The following SLC39A6 variants were observed in gnomAD, a reference collection of about 807,000 sequenced individuals.
SLC39A6 encodes zinc transporter ZIP6.
In SLC39A6, 51 loss-of-function variants were observed where a neutral mutation model predicts 63.5. That is an observed-to-expected ratio of 0.80 (90% confidence interval 0.64 to 1.01). The LOEUF (loss-of-function observed/expected upper bound fraction) is 1.01, where lower values mean the gene tolerates loss of function less well. Among genes scored for constraint, SLC39A6 ranks in the 50% least tolerant of loss-of-function variants. The probability of loss-of-function intolerance (pLI) is 0.00; values close to 1 mark genes in which losing one functional copy is unlikely to be tolerated. For missense variants in SLC39A6, 805 were observed against 927.8 expected (o/e 0.87, Z 1.72); for synonymous variants, 318 against 324.7 (o/e 0.98, Z 0.22).
At chr18:36,112,357 C>T in intron 8 of SLC39A6, 144 bp downstream of exon 8, 5 of 649,638 alleles carry the variant, frequency 7.7e-6, no homozygotes, top group Middle Eastern at 2.6e-4. Context: ...GAAGATGATC[C>T]CTGATGTCAT....
At chr18:36,117,859 G>A (rs111270626) in intron 5 of SLC39A6, among the ~76,000 whole-genome samples, 198 of 152,050 alleles carry the variant, frequency 1.3e-3, no homozygotes, top group African/African-American at 3.6e-3. Context: ...GTGAAACCCC[G>A]TCTCTACTAA....
At chr18:36,111,805 T>A (rs2089302867) in intron 8 of SLC39A6, among the ~76,000 whole-genome samples, 1 of 152,176 alleles carries the variant, frequency 6.6e-6, no homozygotes, top group Non-Finnish European at 1.5e-5. Flanking sequence ...ACCAAAAAAA[T>A]TTTTTAAGGC....
chr18:36,111,886 G>A (rs778551787), intron 8 of SLC39A6, among the ~76,000 whole-genome samples: 8 of 152,186 alleles, frequency 5.3e-5, no homozygotes, highest in Non-Finnish European at 1.0e-4. Context: ...AAGGAGCTTG[G>A]AATTTGGCCA....
At chr18:36,117,883 T>C (rs1181530645) in intron 5 of SLC39A6, among the ~76,000 whole-genome samples, 3 of 152,074 alleles carry the variant, frequency 2.0e-5, no homozygotes, top group African/African-American at 4.8e-5. Context: ...TACAAAAAAT[T>C]AGCCGGGCGT....
In SLC39A6 at chr18:36,126,484, C is replaced by T. The variant is rs768398045; in HGVS notation, c.524G>A (p.Arg175Lys). 16 of 1,614,278 alleles carry T rather than the reference C, an allele frequency of 9.9e-6. No homozygotes were observed. The Middle Eastern group carries it at 1.5e-3, about 150-fold the overall frequency. ...GAHRPEHASG[R>K]RNVKDSVSAS... ...ACTAACACTGTCCTTGACATTCCTT[C>T]TACCACTGGCATGTTCTGGTCGGTG... The change falls in exon 2 of 10, where the codon AGA (arginine) becomes AAA (lysine). Residue 175 changes from arginine to lysine, a missense_variant. By Grantham distance (26) the Arg-to-Lys change is conservative. This residue lies in a region of SLC39A6 where 639 missense variants were observed against 644.0 expected (regional missense o/e 0.99). Transcript: ENST00000269187.
chr18:36,127,151 C>T (rs1598714761), intron 1 of SLC39A6, 135 bp from the exon 2 acceptor site: 1 of 750,722 alleles, frequency 1.3e-6, no homozygotes, highest in Non-Finnish European at 2.1e-6. Context: ...CAGTGTGACG[C>T]TAGGTACTGT....
rs111915530 is a variant in SLC39A6 at position 36,110,546 on chromosome 18, A to AT, written c.2115+512dup. On this transcript the variant is annotated intron_variant, in intron 9 of 9. Coordinates refer to ENST00000269187, the MANE Select transcript of SLC39A6 (RefSeq NM_012319.4). ...ATTTAAAATCTTTTTTAAAAAAATGATTTTTTTTTTGAGACAGAGTCTTGC... is the reference window on the plus strand; with the variant it reads ...ATTTAAAATCTTTTTTAAAAAAATGATTTTTTTTTTTGAGACAGAGTCTTGC... Among the ~76,000 whole-genome samples, 811 of 147,542 alleles carry AT rather than the reference A, an allele frequency of 5.5e-3. 5 individuals carry two copies. The highest frequency in any genetic ancestry group is 0.018 in the African/African-American group (717 of 40,662).
Position 36,114,462 on chromosome 18 carries a change from T to G in SLC39A6, c.1478A>C (p.Tyr493Ser), listed in dbSNP as rs374616159. 2.0e-5 allele frequency: 33 copies of G among 1,610,962 alleles called. No individual in the cohort carries two copies. Among genetic ancestry groups the G allele is most frequent in the Non-Finnish European group, 2.8e-5 (33 of 1,179,210 alleles). Residue 493 changes from tyrosine (Y) to serine (S), a missense_variant, in exon 7 of 10, where the codon TAT (tyrosine) becomes TCT (serine). Physicochemically the swap from Tyr to Ser is moderately radical, Grantham distance 144. Coordinates refer to ENST00000269187, the MANE Select transcript of SLC39A6 (RefSeq NM_012319.4). Reference protein sequence around the residue: ...KVDTDDRTEGYLRADSQEPSH... With the variant: ...KVDTDDRTEGSLRADSQEPSH... ...GGGCTCTTGTGAGTCTGCTCGTAAA[T>G]AGCCTTCAGTTCCTAGGAATAAACA...
At chr18:36,121,682 T>C (rs1007295831) in intron 5 of SLC39A6, among the ~76,000 whole-genome samples, 3 of 72,952 alleles carry the variant, frequency 4.1e-5, no homozygotes, top group Non-Finnish European at 6.9e-5. Context: ...ACTGGGTGAC[T>C]GGAAATTAAT....
chr18:36,114,410 T>G lies in SLC39A6; in HGVS notation c.1530A>C (p.Ala510=). The G allele has an allele frequency of 6.2e-7, 1 of 1,614,204 alleles. No individual in the cohort carries two copies. The highest frequency in any genetic ancestry group is 8.5e-7 in the Non-Finnish European group (1 of 1,180,036). The change falls in exon 7 of 10, where the codon GCA becomes GCC. Residue 510 remains alanine, a synonymous_variant. Transcript: ENST00000269187. The part of the protein sequence containing the change: ...EPSHFDSQQP[A]VLEEEEVMIA... ...TCATGACCTCTTCTTCTTCCAAGAC[T>G]GCAGGCTGCTGAGAATCAAAGTGGG...
At chr18:36,113,054 C>T (rs2089313364) in intron 7 of SLC39A6, among the ~76,000 whole-genome samples, 1 of 152,026 alleles carries the variant, frequency 6.6e-6, no homozygotes, top group South Asian at 2.1e-4. Context: ...AAAAATCTGA[C>T]ATATTATACA....
Position 36,114,315 on chromosome 18 carries a change from G to A in SLC39A6, c.1625C>T (p.Ser542Leu). Residue 542 changes from serine to leucine, a missense_variant, in exon 7 of 10, where the codon TCA (serine) becomes TTA (leucine). This residue lies in a region of SLC39A6 where 19 missense variants were observed against 35.1 expected (regional missense o/e 0.54). Coordinates refer to ENST00000269187, the MANE Select transcript of SLC39A6 (RefSeq NM_012319.4). ...VPRGCKNKCH[S>L]HFHDTLGQSD... ...CTGGCCGAGTGTATCGTGGAAATGT[G>A]AATGGCATTTATTCTTGCACCCTCT... 1 of 1,614,176 alleles carries A rather than the reference G, an allele frequency of 6.2e-7. No individual in the cohort carries two copies. The highest frequency in any genetic ancestry group is 8.5e-7 in the Non-Finnish European group (1 of 1,180,028).
chr18:36,123,518 C>T lies in SLC39A6; in HGVS notation c.1117G>A (p.Ala373Thr). ...ACATGTGGAAGAAGGTGTAAAAAAG[C>T]ATCACCACTCAAAGTCCCAACGGCC... is the stretch of plus-strand genomic sequence containing the variant. ...ALAVGTLSGDAFLHLLPHSHA... is the reference protein window; with the variant it reads ...ALAVGTLSGDTFLHLLPHSHA... The change falls in exon 4 of 10, where the codon GCT becomes ACT. Residue 373 changes from alanine to threonine, a missense_variant. Transcript: ENST00000269187. The T allele has an allele frequency of 6.2e-7, 1 of 1,611,228 alleles. No individual in the cohort carries two copies. Among genetic ancestry groups the T allele is most frequent in the Non-Finnish European group, 8.5e-7 (1 of 1,179,228 alleles).
At position 36,126,254 on chromosome 18, in the gene SLC39A6, T is replaced by G; in HGVS notation, c.754A>C (p.Met252Leu). The G allele has an allele frequency of 6.2e-7, 1 of 1,614,226 alleles. No individual in the cohort carries two copies. Among genetic ancestry groups the G allele is most frequent in the Non-Finnish European group, 8.5e-7 (1 of 1,180,042 alleles). Reference sequence around the variant, plus strand: ...TTTTCATTTGTGTTTCTGGAATACATAAAGCCTTTTCGGGGCTCACTCACA... The same window carrying G: ...TTTTCATTTGTGTTTCTGGAATACAGAAAGCCTTTTCGGGGCTCACTCACA... ...ESVSEPRKGF[M>L]YSRNTNENPQ... The change falls in exon 2 of 10, where the codon ATG (methionine) becomes CTG (leucine). Residue 252 changes from methionine to leucine, a missense_variant. Around this residue, in one of 4 missense-constraint regions of SLC39A6, gnomAD observed 639 missense variants for 644.0 expected, o/e 0.99. Transcript: ENST00000269187.
In SLC39A6 at chr18:36,124,409, T is replaced by A. The variant is rs1198405863; in HGVS notation, c.970+111A>T. 3 of 605,980 alleles carry A rather than the reference T, an allele frequency of 5.0e-6. No homozygotes were observed. In the African/African-American group the frequency reaches 5.5e-5, roughly 11 times the overall value. 37.5% of individuals were successfully genotyped at this position (605,980 alleles called of 1,614,324 possible). On this transcript the variant is annotated intron_variant, in intron 3 of 9. Transcript: ENST00000269187. ...CATTCAAGGCAAAGAACAACTAAGA[T>A]GACATATTCAGAATTGTACTGGAAA...
intron 2 of SLC39A6, 62 bp from the exon 3 acceptor site, chr18:36,124,762 A>G: frequency 8.2e-7 from 1 of 1,221,838 alleles, no homozygotes; most frequent in Non-Finnish European, 1.1e-6. Flanking sequence ...GTCTGATGAC[A>G]CAATACCCTT....
At chr18:36,118,986 C>T (rs1218112774) in intron 5 of SLC39A6, among the ~76,000 whole-genome samples, 2 of 152,106 alleles carry the variant, frequency 1.3e-5, no homozygotes, top group East Asian at 3.9e-4. Context: ...AGATGATTCT[C>T]TAGTTTTCGG....
At position 36,123,549 on chromosome 18, in the gene SLC39A6, C is replaced by T; in HGVS notation, c.1086G>A (p.Val362=). 2 of 1,613,632 alleles carry T rather than the reference C, an allele frequency of 1.2e-6. No individual in the cohort carries two copies. Among genetic ancestry groups the T allele is most frequent in the South Asian group, 2.2e-5 (2 of 90,996 alleles). Residue 362 remains valine (V), a synonymous_variant, in exon 4 of 10, where the codon GTG becomes GTA. Transcript: ENST00000269187. ...CACTCAAAGTCCCAACGGCCAGTGCCACAAGGAAACTCAGGAGAAATTTGA... is the reference window on the plus strand; with the variant it reads ...CACTCAAAGTCCCAACGGCCAGTGCTACAAGGAAACTCAGGAGAAATTTGA... ...VFFKFLLSFL[V]ALAVGTLSGD...
chr18:36,110,512 A>G (rs1289680210), intron 9 of SLC39A6, among the ~76,000 whole-genome samples: 1 of 149,790 alleles, frequency 6.7e-6, no homozygotes, highest in Non-Finnish European at 1.5e-5. Context: ...CACTTCTCAT[A>G]ATGACTGCAT....
Sources: gnomAD v4.1 joint callset for allele counts (sites outside exome capture counted in the v4.1 genomes callset) on GRCh38, gnomAD v4.1.1 for gene constraint, gnomAD v4.1.1 regional missense constraint, MANE v1.5 for transcripts, NCBI Gene and HGNC (gene_info 2026-07-23, HGNC 2026-07-21) for gene names.